The following MACROD2 variants were observed in gnomAD, a reference collection of about 807,000 sequenced individuals.
MACROD2 encodes ADP-ribose glycohydrolase MACROD2.
In MACROD2, 36 loss-of-function variants were observed where a neutral mutation model predicts 70.4. That is an observed-to-expected ratio of 0.51 (90% CI 0.39 to 0.68). The LOEUF (loss-of-function observed/expected upper bound fraction) is 0.68, where lower values mean the gene tolerates loss of function less well. Among genes scored for constraint, MACROD2 ranks in the 30% least tolerant of loss-of-function variants. The pLI, the probability that MACROD2 is intolerant of heterozygous loss-of-function variation, is 0.00. For synonymous variants in MACROD2, 172 were observed against 178.8 expected, an observed-to-expected ratio of 0.96 and a Z score of 0.30; for missense variants, 496 against 538.4, an observed-to-expected ratio of 0.92 and a Z score of 0.78.
At chr20:15,267,054 G>A (rs577444241) in intron 6 of MACROD2, among the ~76,000 whole-genome samples, 56 of 152,310 alleles carry the variant, frequency 3.7e-4, no homozygotes, top group Middle Eastern at 3.4e-3. Context: ...GTGCAAGAGG[G>A]GATGGGCAGG....
intron 5 of MACROD2, among the ~76,000 whole-genome samples, chr20:15,123,266 G>A (rs1404133084): frequency 6.6e-6 from 1 of 152,114 alleles, no homozygotes; most frequent in Non-Finnish European, 1.5e-5. Flanking sequence ...GCCTTAGGAA[G>A]AAGGAAACAC....
Position 15,920,133 on chromosome 20 carries a change from G to A in MACROD2, c.776-13143G>A, listed in dbSNP as rs1278342028. 7.9e-5 allele frequency among the ~76,000 whole-genome samples: 12 copies of A among 152,182 alleles called. No homozygotes were observed. The East Asian group carries it at 2.3e-3, about 29-fold the overall frequency. ...ACAGCTGATGCCTTCTAAAAGCACA[G>A]CTTGATTAGAAAGAAACCATGAGGA... On this transcript the variant is annotated intron_variant, in intron 10 of 17. Transcript: ENST00000684519.
intron 6 of MACROD2, among the ~76,000 whole-genome samples, chr20:15,358,042 G>A (rs190099534): frequency 2.0e-5 from 3 of 151,876 alleles, no homozygotes; most frequent in Admixed American, 6.6e-5. Context: ...TCTCCTGACC[G>A]CGTGATCCGC....
chr20:16,025,830 G>A (rs2067071237), intron 15 of MACROD2, among the ~76,000 whole-genome samples: 1 of 139,186 alleles, frequency 7.2e-6, no homozygotes, highest in Non-Finnish European at 1.6e-5. Flanking sequence ...GTTTTCCAGA[G>A]CAGGGCCACA....
chr20:14,717,451 A>G (rs2071409862), intron 5 of MACROD2, among the ~76,000 whole-genome samples: 1 of 152,028 alleles, frequency 6.6e-6, no homozygotes, highest in Non-Finnish European at 1.5e-5. Context: ...AAAATAAATC[A>G]TTTAAAGTAT....
chr20:14,622,100 T>C (rs1215699263), intron 4 of MACROD2, among the ~76,000 whole-genome samples: 1 of 152,186 alleles, frequency 6.6e-6, no homozygotes, highest in East Asian at 1.9e-4. Flanking sequence ...CATTATTTTA[T>C]TTAACATTTT....
At chr20:15,335,572 G>C (rs563379009) in intron 6 of MACROD2, among the ~76,000 whole-genome samples, 1 of 151,596 alleles carries the variant, frequency 6.6e-6, no homozygotes, top group South Asian at 2.1e-4. Context: ...GTCCTACTAG[G>C]CATGTAAATA....
rs2065332138 is a variant in MACROD2, at chr20:15,917,190, T to C, written c.776-16086T>C. On this transcript the variant is annotated intron_variant, in intron 10 of 17. Coordinates refer to ENST00000684519, the MANE Select transcript of MACROD2 (RefSeq NM_001351661.2). ...AGTCTTCTTTCTGTGTCTCTCAAAT[T>C]TCCTAAAAGATCCAATTTATCTTAC... is the stretch of plus-strand genomic sequence containing the variant. 3.3e-5 allele frequency among the ~76,000 whole-genome samples: 5 copies of C among 152,264 alleles called. No individual in the cohort carries two copies. In the South Asian group the frequency reaches 1.0e-3, roughly 32 times the overall value.
intron 7 of MACROD2, among the ~76,000 whole-genome samples, chr20:15,448,700 G>C (rs2046601745): frequency 6.6e-6 from 1 of 152,132 alleles, no homozygotes; most frequent in Non-Finnish European, 1.5e-5. Flanking sequence ...TATCTTGTGA[G>C]AATATGAATT....
At chr20:14,771,660 CACACACACACAT>C (rs996423509) in intron 5 of MACROD2, among the ~76,000 whole-genome samples, 6 of 138,848 alleles carry the variant, frequency 4.3e-5, no homozygotes, top group Admixed American at 2.8e-4. Flanking sequence ...CACACACACA[CACACACACACAT>C]ATATATATAT....
chr20:15,765,836 CA>C (rs2051514085), intron 8 of MACROD2, among the ~76,000 whole-genome samples: 1 of 152,130 alleles, frequency 6.6e-6, no homozygotes, highest in South Asian at 2.1e-4. Flanking sequence ...GTTGCAATGA[CA>C]ATCTATACAA....
intron 6 of MACROD2, among the ~76,000 whole-genome samples, chr20:15,296,215 A>T (rs945462438): frequency 7.2e-5 from 11 of 152,216 alleles, no homozygotes; most frequent in Admixed American, 2.0e-4. Context: ...ATGTTAAATT[A>T]TACCATAGAG....
intron 6 of MACROD2, among the ~76,000 whole-genome samples, chr20:15,423,055 G>T (rs1388440882): frequency 2.0e-5 from 3 of 151,868 alleles, no homozygotes; most frequent in Admixed American, 6.6e-5. Flanking sequence ...TGGAAAACAA[G>T]CATTACTTGT....
intron 4 of MACROD2, among the ~76,000 whole-genome samples, chr20:14,587,951 T>A (rs1981494934): frequency 6.6e-6 from 1 of 152,134 alleles, no homozygotes; most frequent in African/African-American, 2.4e-5. Context: ...TTGCTAAGAT[T>A]TATGATTGTA....
At chr20:15,502,604 A>G (rs905325381) in intron 8 of MACROD2, among the ~76,000 whole-genome samples, 1 of 152,172 alleles carries the variant, frequency 6.6e-6, no homozygotes, top group African/African-American at 2.4e-5. Context: ...GAAATGGCAG[A>G]CCAATTAAGA....
intron 3 of MACROD2, chr20:14,322,888 A>T (rs1329473335): frequency 1.3e-5 from 2 of 152,198 alleles, no homozygotes; most frequent in African/African-American, 4.8e-5. Flanking sequence ...ATATGGAAAC[A>T]TAGCTAGGAA....
chr20:15,901,288 C>T (rs1301688887), intron 10 of MACROD2, among the ~76,000 whole-genome samples: 1 of 151,830 alleles, frequency 6.6e-6, no homozygotes, highest in Non-Finnish European at 1.5e-5. Flanking sequence ...TCCAGATTCC[C>T]AAGAAACTAC....
At chr20:15,127,905 C>T (rs950051537) in intron 5 of MACROD2, among the ~76,000 whole-genome samples, 1 of 152,104 alleles carries the variant, frequency 6.6e-6, no homozygotes, top group Non-Finnish European at 1.5e-5. Flanking sequence ...ACCAACCTCC[C>T]TCTACTTACA....
In MACROD2 at chr20:15,700,154, A is replaced by G. The variant is rs115915638; in HGVS notation, c.646-162591A>G. Among the ~76,000 whole-genome samples the G allele has an allele frequency of 7.6e-3, 1,155 of 152,226 alleles. 10 individuals are homozygous for G. The highest frequency in any genetic ancestry group is 0.027 in the African/African-American group (1,109 of 41,524). ...GTCTGCTTCCTACAGAGGGTCTGTG[A>G]GTCCTTTCGGGATTGCTGGTTTGTT... On this transcript the variant is annotated intron_variant, in intron 8 of 17. Coordinates refer to ENST00000684519, the MANE Select transcript of MACROD2 (RefSeq NM_001351661.2).
Sources: allele counts gnomAD v4.1 joint callset (sites outside exome capture counted in the v4.1 genomes callset), GRCh38; gene constraint gnomAD v4.1.1; transcripts MANE v1.5; gene names NCBI Gene and HGNC (gene_info 2026-07-23, HGNC 2026-07-21).